The following FOXP1 variants were observed in gnomAD, a reference collection of about 807,000 sequenced individuals.
FOXP1 encodes forkhead box P1, also known as forkhead box protein P1.
Under a neutral mutation model 98.2 loss-of-function variants are expected in FOXP1, and 15 were observed. The ratio of observed to expected loss-of-function variants is 0.15; its 90% CI spans 0.10 to 0.24. The LOEUF is 0.24. Ranked by LOEUF, FOXP1 falls within the 10% of genes least tolerant of loss-of-function variation. FOXP1 has a pLI of 1.00. For missense variants in FOXP1, 633 were observed against 848.5 expected (o/e 0.75, Z 3.15); for synonymous variants, 371 against 314.5 (o/e 1.18, Z -1.90).
intron 5 of FOXP1, among the ~76,000 whole-genome samples, chr3:71,202,418 A>T (rs908238470): frequency 1.3e-5 from 2 of 152,228 alleles, no homozygotes; most frequent in African/African-American, 4.8e-5. Context: ...AACATTTCTA[A>T]CAGTGTCTGG....
chr3:71,169,082 G>GT (rs1273017317), intron 6 of FOXP1, among the ~76,000 whole-genome samples: 1 of 152,214 alleles, frequency 6.6e-6, no homozygotes, highest in African/African-American at 2.4e-5. Context: ...CATCCTGGAA[G>GT]TTACTGGATC....
At chr3:71,322,036 G>A (rs1316843983) in intron 4 of FOXP1, among the ~76,000 whole-genome samples, 1 of 152,202 alleles carries the variant, frequency 6.6e-6, no homozygotes, top group African/African-American at 2.4e-5. Context: ...GAGAATATGT[G>A]TTATACTCAT....
At chr3:71,488,218 A>G (rs2090806615) in intron 3 of FOXP1, among the ~76,000 whole-genome samples, 1 of 152,240 alleles carries the variant, frequency 6.6e-6, no homozygotes, top group Non-Finnish European at 1.5e-5. Flanking sequence ...AGAATTCATT[A>G]AAACAATGTT....
At chr3:70,991,790 C>T (rs1046480689) in intron 13 of FOXP1, among the ~76,000 whole-genome samples, 7 of 152,128 alleles carry the variant, frequency 4.6e-5, no homozygotes, top group African/African-American at 1.7e-4. Context: ...GCAAGGTAAA[C>T]ATATCTGAGG....
At chr3:71,462,335 T>C (rs1490776860) in intron 3 of FOXP1, among the ~76,000 whole-genome samples, 1 of 152,214 alleles carries the variant, frequency 6.6e-6, no homozygotes, top group Non-Finnish European at 1.5e-5. Context: ...CTGGTTACTC[T>C]GTTTAGATGT....
intron 14 of FOXP1, among the ~76,000 whole-genome samples, chr3:70,987,172 G>A (rs1224654855): frequency 6.6e-6 from 1 of 152,148 alleles, no homozygotes; most frequent in African/African-American, 2.4e-5. Flanking sequence ...GCAAAGCACT[G>A]TCTCCATTTT....
At chr3:71,037,131 A>G (rs1399908173) in intron 11 of FOXP1, among the ~76,000 whole-genome samples, 1 of 152,204 alleles carries the variant, frequency 6.6e-6, no homozygotes, top group Non-Finnish European at 1.5e-5. Context: ...GGTCAGGTGG[A>G]TAAAATGAGA....
intron 3 of FOXP1, among the ~76,000 whole-genome samples, chr3:71,405,474 C>A (rs964311236): frequency 1.3e-5 from 2 of 152,160 alleles, no homozygotes; most frequent in African/African-American, 4.8e-5. Flanking sequence ...CACAGTATTA[C>A]CAGTTTGCAG....
intron 3 of FOXP1, among the ~76,000 whole-genome samples, chr3:71,451,349 G>A (rs1448157358): frequency 1.3e-5 from 2 of 152,160 alleles, no homozygotes; most frequent in East Asian, 1.9e-4. Flanking sequence ...GTGAAAGCCC[G>A]ATGAAATGCA....
intron 4 of FOXP1, among the ~76,000 whole-genome samples, chr3:71,356,250 C>T (rs1052736599): frequency 7.0e-6 from 1 of 143,666 alleles, no homozygotes; most frequent in Non-Finnish European, 1.5e-5. Flanking sequence ...AAAAAAAGAA[C>T]TGTATGCTTC....
chr3:71,098,348 T>A (rs918333236), intron 7 of FOXP1, among the ~76,000 whole-genome samples: 3 of 152,208 alleles, frequency 2.0e-5, no homozygotes, highest in African/African-American at 4.8e-5. Flanking sequence ...GCCATTAATA[T>A]TATACCTTAA....
intron 6 of FOXP1, among the ~76,000 whole-genome samples, chr3:71,113,222 G>A (rs1236628405): frequency 1.3e-5 from 2 of 152,102 alleles, no homozygotes; most frequent in Admixed American, 6.5e-5. Flanking sequence ...AGGAAAATTT[G>A]GCAAATCTGA....
intron 5 of FOXP1, among the ~76,000 whole-genome samples, chr3:71,200,502 T>C (rs1311434861): frequency 6.6e-6 from 1 of 152,138 alleles, no homozygotes; most frequent in Non-Finnish European, 1.5e-5. Context: ...AAAGTTGAGG[T>C]TCAGTGGGGG....
At chr3:71,583,007 A>G (rs902391657) in intron 1 of FOXP1, among the ~76,000 whole-genome samples, 6 of 151,922 alleles carry the variant, frequency 3.9e-5, no homozygotes, top group African/African-American at 1.2e-4. Context: ...CTCCAAGTCT[A>G]AACTTTGGGC....
chr3:71,457,516 TA>T (rs2087619776), intron 3 of FOXP1, among the ~76,000 whole-genome samples: 1 of 152,144 alleles, frequency 6.6e-6, no homozygotes, highest in Non-Finnish European at 1.5e-5. Flanking sequence ...CCCATGAAAT[TA>T]AAGCAACAAC....
chr3:71,037,513 C>T lies in FOXP1; in HGVS notation c.869+3815G>A, dbSNP rs375406279. On this transcript the variant is annotated intron_variant, in intron 11 of 20. Coordinates refer to ENST00000649528, the MANE Select transcript of FOXP1 (RefSeq NM_001349338.3). ...TGTTTCCCTAAGAAGTCGAGACTCT[C>T]TGTCCCTATGGAATAAAATGACAGC... Among the ~76,000 whole-genome samples the T allele has an allele frequency of 3.8e-4, 58 of 152,260 alleles. 2 individuals are homozygous for T. In the South Asian group the frequency reaches 1.0e-2, roughly 26 times the overall value.
chr3:71,306,408 G>T (rs956353804), intron 4 of FOXP1, among the ~76,000 whole-genome samples: 2 of 151,926 alleles, frequency 1.3e-5, no homozygotes, highest in African/African-American at 4.8e-5. Context: ...AACATTCAAC[G>T]AATTTTAAAC....
chr3:71,116,590 T>A (rs994194961), intron 6 of FOXP1, among the ~76,000 whole-genome samples: 3 of 152,352 alleles, frequency 2.0e-5, no homozygotes, highest in East Asian at 1.9e-4. Flanking sequence ...ATCATGAGTA[T>A]GTTAACAGAG....
At chr3:71,289,309 T>G (rs936213476) in intron 5 of FOXP1, among the ~76,000 whole-genome samples, 39 of 152,088 alleles carry the variant, frequency 2.6e-4, no homozygotes, top group African/African-American at 8.2e-4. Context: ...AAAGTGCTGG[T>G]ATTACAGTCA....
Sources: gnomAD v4.1 joint callset for allele counts (sites outside exome capture counted in the v4.1 genomes callset) on GRCh38, gnomAD v4.1.1 for gene constraint, MANE v1.5 for transcripts, NCBI Gene and HGNC (gene_info 2026-07-23, HGNC 2026-07-21) for gene names.